HS6ST3: variants seen among roughly 807,000 people sequenced by gnomAD.
HS6ST3 encodes the protein heparan-sulfate 6-O-sulfotransferase 3.
Under a neutral mutation model 36.7 loss-of-function variants are expected in HS6ST3, and 12 were observed. That is an observed-to-expected ratio of 0.33 (90% CI 0.21 to 0.53). HS6ST3 has a LOEUF of 0.53. Among genes scored for constraint, HS6ST3 ranks in the 20% least tolerant of loss-of-function variants. The pLI is 0.95. For synonymous variants in HS6ST3, 240 were observed against 257.5 expected, an observed-to-expected ratio of 0.93 and a Z score of 0.65; for missense variants, 584 against 640.9, an observed-to-expected ratio of 0.91 and a Z score of 0.96.
chr13:96,756,552 T>C (rs1213345425), intron 1 of HS6ST3, among the ~76,000 whole-genome samples: 1 of 152,206 alleles, frequency 6.6e-6, no homozygotes, highest in Non-Finnish European at 1.5e-5. Context: ...ACCTTGCTGG[T>C]ATTTTGATTG....
chr13:96,279,812 T>G (rs1489037840), intron 1 of HS6ST3, among the ~76,000 whole-genome samples: 5 of 152,324 alleles, frequency 3.3e-5, no homozygotes, highest in African/African-American at 1.2e-4. Context: ...TTGGCAATGT[T>G]TGGAGATTCT....
chr13:96,525,320 T>C (rs2056109390), intron 1 of HS6ST3, among the ~76,000 whole-genome samples: 1 of 152,202 alleles, frequency 6.6e-6, no homozygotes, highest in African/African-American at 2.4e-5. Context: ...TGGCACCTGC[T>C]AGAATAAAGA....
At chr13:96,243,240 T>G (rs1399929700) in intron 1 of HS6ST3, among the ~76,000 whole-genome samples, 1 of 152,242 alleles carries the variant, frequency 6.6e-6, no homozygotes, top group East Asian at 1.9e-4. Flanking sequence ...GCTTCCATAT[T>G]GGGCAATGCA....
At chr13:96,326,112 C>T (rs1322043241) in intron 1 of HS6ST3, among the ~76,000 whole-genome samples, 1 of 151,468 alleles carries the variant, frequency 6.6e-6, no homozygotes, top group Admixed American at 6.6e-5. Flanking sequence ...GAAAAACATC[C>T]AATTTATTCT....
chr13:96,682,641 T>C (rs1420480255), intron 1 of HS6ST3, among the ~76,000 whole-genome samples: 1 of 152,096 alleles, frequency 6.6e-6, no homozygotes, highest in African/African-American at 2.4e-5. Flanking sequence ...TAATAGCACA[T>C]TTTTTTCATT....
At chr13:96,174,532 G>A (rs2054203765) in intron 1 of HS6ST3, among the ~76,000 whole-genome samples, 1 of 152,054 alleles carries the variant, frequency 6.6e-6, no homozygotes, top group African/African-American at 2.4e-5. Context: ...ACCATGCCTG[G>A]TATAGTAGAT....
intron 1 of HS6ST3, among the ~76,000 whole-genome samples, chr13:96,490,339 T>C (rs1429589097): frequency 6.6e-6 from 1 of 152,126 alleles, no homozygotes; most frequent in East Asian, 1.9e-4. Context: ...AAGTAGAACA[T>C]GTGCACACTA....
At chr13:96,795,629 A>G (rs1370253934) in intron 1 of HS6ST3, among the ~76,000 whole-genome samples, 1 of 152,128 alleles carries the variant, frequency 6.6e-6, no homozygotes, top group Non-Finnish European at 1.5e-5. Flanking sequence ...TAACTGTAAA[A>G]TTATGTTGAA....
intron 1 of HS6ST3, among the ~76,000 whole-genome samples, chr13:96,710,250 T>C (rs1566435526): frequency 6.6e-6 from 1 of 152,254 alleles, no homozygotes; most frequent in African/African-American, 2.4e-5. Context: ...GTAAGCAGTG[T>C]CATCTGAAAA....
chr13:96,185,716 G>A (rs113606640), intron 1 of HS6ST3, among the ~76,000 whole-genome samples: 1,894 of 152,228 alleles, frequency 0.012, 41 homozygotes, highest in African/African-American at 0.044. Flanking sequence ...GTTTTTCAGT[G>A]GCAATGGTTC....
At chr13:96,505,479 C>T (rs1004145041) in intron 1 of HS6ST3, among the ~76,000 whole-genome samples, 1 of 152,092 alleles carries the variant, frequency 6.6e-6, no homozygotes, top group Non-Finnish European at 1.5e-5. Context: ...TGGGTTTGTC[C>T]AACTTACACA....
intron 1 of HS6ST3, among the ~76,000 whole-genome samples, chr13:96,209,059 G>T (rs1024315633): frequency 6.6e-6 from 1 of 152,190 alleles, no homozygotes; most frequent in Non-Finnish European, 1.5e-5. Flanking sequence ...TTTGGCTTGG[G>T]ATACAGAACT....
intron 1 of HS6ST3, among the ~76,000 whole-genome samples, chr13:96,603,230 A>G (rs1327028794): frequency 2.0e-5 from 3 of 151,942 alleles, no homozygotes; most frequent in Non-Finnish European, 4.4e-5. Flanking sequence ...TGTCCCACTC[A>G]TTTTTTCTAC....
intron 1 of HS6ST3, among the ~76,000 whole-genome samples, chr13:96,100,475 C>T (rs1464796581): frequency 2.0e-5 from 3 of 152,170 alleles, no homozygotes; most frequent in Non-Finnish European, 4.4e-5. Context: ...AACTGTTAAC[C>T]CCATTGGATG....
chr13:96,284,907 T>TTTTCTTTCTTTC (rs1555295577), intron 1 of HS6ST3, among the ~76,000 whole-genome samples: 1 of 129,386 alleles, frequency 7.7e-6, no homozygotes, highest in African/African-American at 3.1e-5. Context: ...TGAATGCATA[T>TTTTCTTTCTTTC]TTGCTTTCTT....
At chr13:96,232,985 A>G (rs2054515755) in intron 1 of HS6ST3, among the ~76,000 whole-genome samples, 1 of 152,108 alleles carries the variant, frequency 6.6e-6, no homozygotes, top group African/African-American at 2.4e-5. Flanking sequence ...CAAACAAGAA[A>G]CCTCTACAGG....
chr13:96,628,855 A>T (rs2056522113), intron 1 of HS6ST3, among the ~76,000 whole-genome samples: 1 of 151,854 alleles, frequency 6.6e-6, no homozygotes, highest in Admixed American at 6.6e-5. Context: ...TGTTTAAGAT[A>T]TATGTGTATA....
intron 1 of HS6ST3, among the ~76,000 whole-genome samples, chr13:96,476,892 A>AATT (rs1048318736): frequency 2.6e-5 from 4 of 152,140 alleles, no homozygotes; most frequent in African/African-American, 7.2e-5. Flanking sequence ...TCTCCTAAAT[A>AATT]ATTTAGAACA....
rs1047723098 is a variant in HS6ST3, at chr13:96,836,316, G to A, written c.*3118G>A. ...TTGGAGATTAGGATGAGACAACTTT[G>A]TGTATATGTGCACGTGTGTGGTGTG... On this transcript the variant is annotated 3_prime_UTR_variant, in exon 2 of 2. Coordinates refer to ENST00000376705, the MANE Select transcript of HS6ST3 (RefSeq NM_153456.4). The A allele has an allele frequency of 2.6e-5, 4 of 152,208 alleles. No homozygotes were observed. The highest frequency in any genetic ancestry group is 5.9e-5 in the Non-Finnish European group (4 of 68,058). The allele number at this position is 152,208 out of a possible 1,614,324, so 9.4% of individuals were successfully genotyped here.
Sources: allele counts gnomAD v4.1 joint callset (sites outside exome capture counted in the v4.1 genomes callset), GRCh38; gene constraint gnomAD v4.1.1; transcripts MANE v1.5; gene names NCBI Gene and HGNC (gene_info 2026-07-23, HGNC 2026-07-21).